The following ACOXL variants were observed in gnomAD, a reference collection of about 807,000 sequenced individuals.
ACOXL encodes the protein acyl-coenzyme A oxidase-like protein.
ACOXL carries 70 observed loss-of-function variants against 71.9 expected under a neutral mutation model. The observed-to-expected ratio is 0.97, with a 90% confidence interval of 0.80 to 1.19. The LOEUF is 1.19. Ranked by LOEUF, ACOXL falls within the 50% of genes most tolerant of loss-of-function variation. ACOXL has a pLI of 0.00. For missense variants in ACOXL, 703 were observed against 736.3 expected (o/e 0.95, Z 0.52); for synonymous variants, 253 against 281.6 (o/e 0.90, Z 1.02).
intron 10 of ACOXL, among the ~76,000 whole-genome samples, chr2:110,895,413 C>T (rs916273088): frequency 2.6e-5 from 4 of 152,014 alleles, no homozygotes; most frequent in African/African-American, 9.7e-5. Flanking sequence ...AAGAAAAAGT[C>T]TCAGGAACTT....
At chr2:110,893,562 TA>T (rs1335692017) in intron 10 of ACOXL, among the ~76,000 whole-genome samples, 1 of 152,112 alleles carries the variant, frequency 6.6e-6, no homozygotes, top group Non-Finnish European at 1.5e-5. Context: ...TCAAGGGCTT[TA>T]AAAAAAGTTT....
At position 110,749,250 on chromosome 2, in the gene ACOXL, A is replaced by G. The variant is rs186065094; in HGVS notation, c.-23+16476A>G. Among the ~76,000 whole-genome samples, 481 of 152,358 alleles carry G rather than the reference A, an allele frequency of 3.2e-3. 3 individuals are homozygous for G. The highest frequency in any genetic ancestry group is 0.011 in the African/African-American group (456 of 41,588). The stretch of plus-strand genomic sequence containing the variant: ...AGCTTTTTGTTTTCATTTTTAATGC[A>G]CAAAGGTCATTTTGTTGTTTGTGTT... On this transcript the variant is annotated intron_variant, in intron 1 of 17. Transcript: ENST00000439055.
intron 11 of ACOXL, among the ~76,000 whole-genome samples, chr2:110,917,676 T>C (rs1323877945): frequency 6.6e-6 from 1 of 152,214 alleles, no homozygotes; most frequent in Non-Finnish European, 1.5e-5. Context: ...GCCCAAAATC[T>C]CCTTAAGCGT....
At chr2:111,023,228 G>C (rs968920273) in intron 14 of ACOXL, among the ~76,000 whole-genome samples, 11 of 152,112 alleles carry the variant, frequency 7.2e-5, no homozygotes, top group Admixed American at 5.9e-4. Flanking sequence ...GGAGATGAGA[G>C]GGGAGCGGGG....
intron 12 of ACOXL, among the ~76,000 whole-genome samples, chr2:110,961,370 G>A (rs2061694518): frequency 6.6e-6 from 1 of 152,188 alleles, no homozygotes; most frequent in South Asian, 2.1e-4. Context: ...GAACTCCATT[G>A]CCTGTTCTTT....
chr2:110,787,544 AAAAAAAAAGAAAAAG>A (rs1279789793), intron 3 of ACOXL, among the ~76,000 whole-genome samples: 1 of 151,742 alleles, frequency 6.6e-6, no homozygotes, highest in African/African-American at 2.4e-5. Context: ...AAAAAAAAAA[AAAAAAAAAGAAAAAG>A]AAAAAAAAGA....
intron 1 of ACOXL, among the ~76,000 whole-genome samples, chr2:110,741,418 G>A (rs1210166723): frequency 1.6e-4 from 25 of 152,064 alleles, no homozygotes; most frequent in Admixed American, 1.6e-3. Flanking sequence ...TCTTCCCTCT[G>A]TACCTGTCTG....
chr2:111,039,501 A>G (rs530352933), intron 15 of ACOXL, among the ~76,000 whole-genome samples: 3 of 152,352 alleles, frequency 2.0e-5, no homozygotes, highest in African/African-American at 4.8e-5. Flanking sequence ...TAGAGGGGGA[A>G]TATGTTAACA....
chr2:110,877,606 C>G (rs1184214693), intron 10 of ACOXL, among the ~76,000 whole-genome samples: 1 of 152,170 alleles, frequency 6.6e-6, no homozygotes, highest in African/African-American at 2.4e-5. Context: ...ATTTCCTTTT[C>G]CTACAGAGAC....
intron 16 of ACOXL, among the ~76,000 whole-genome samples, chr2:111,057,384 A>G (rs1162712141): frequency 6.6e-6 from 1 of 152,172 alleles, no homozygotes. Flanking sequence ...CAGCTGACCT[A>G]TAGCTGTCTT....
intron 11 of ACOXL, among the ~76,000 whole-genome samples, chr2:110,923,331 C>T (rs763721734): frequency 3.5e-4 from 53 of 151,582 alleles, no homozygotes; most frequent in Non-Finnish European, 5.9e-4. Flanking sequence ...TTTTTTTTCT[C>T]TACTAAGGGT....
intron 16 of ACOXL, among the ~76,000 whole-genome samples, chr2:111,069,422 G>A (rs1215377981): frequency 6.6e-6 from 1 of 152,096 alleles, no homozygotes; most frequent in Non-Finnish European, 1.5e-5. Flanking sequence ...AAAGTGCTGG[G>A]ATTACAGGCA....
intron 16 of ACOXL, among the ~76,000 whole-genome samples, chr2:111,084,426 A>C (rs1312086405): frequency 5.9e-5 from 9 of 152,120 alleles, no homozygotes; most frequent in Admixed American, 5.9e-4. Flanking sequence ...ATCTTATAAA[A>C]ATTTAAAAGG....
chr2:110,817,056 C>T (rs1240188580), intron 9 of ACOXL, among the ~76,000 whole-genome samples: 2 of 152,244 alleles, frequency 1.3e-5, no homozygotes, highest in Non-Finnish European at 2.9e-5. Flanking sequence ...AGGGCAGGAA[C>T]TTCACACAGT....
chr2:111,026,233 C>T (rs954945620), intron 14 of ACOXL, among the ~76,000 whole-genome samples: 2 of 152,078 alleles, frequency 1.3e-5, no homozygotes, highest in South Asian at 4.1e-4. Context: ...ATGGTTTTGA[C>T]TTTTCTAGGT....
intron 15 of ACOXL, among the ~76,000 whole-genome samples, chr2:111,043,610 A>T (rs540394067): frequency 6.6e-6 from 1 of 152,304 alleles, no homozygotes; most frequent in South Asian, 2.1e-4. Flanking sequence ...CAGGAGCCTC[A>T]GATATGGCTG....
intron 10 of ACOXL, among the ~76,000 whole-genome samples, chr2:110,874,746 G>T (rs1695694492): frequency 6.6e-6 from 1 of 152,284 alleles, no homozygotes; most frequent in South Asian, 2.1e-4. Context: ...TGAGGGCTGT[G>T]CTGCTTGTGT....
chr2:110,813,898 C>T (rs973497351), intron 9 of ACOXL, among the ~76,000 whole-genome samples: 5 of 152,182 alleles, frequency 3.3e-5, no homozygotes, highest in African/African-American at 1.2e-4. Flanking sequence ...CCATTTTCCA[C>T]ATGAGGAACC....
intron 1 of ACOXL, among the ~76,000 whole-genome samples, chr2:110,740,836 A>T (rs1402062879): frequency 6.6e-6 from 1 of 152,100 alleles, no homozygotes. Context: ...GTCCGGTGGG[A>T]CACTGGGATG....
Sources: allele counts gnomAD v4.1 joint callset (sites outside exome capture counted in the v4.1 genomes callset), GRCh38; gene constraint gnomAD v4.1.1; transcripts MANE v1.5; gene names NCBI Gene and HGNC (gene_info 2026-07-23, HGNC 2026-07-21).